The following RAB11FIP2 variants were observed in gnomAD, a reference collection of about 807,000 sequenced individuals.
The protein encoded by RAB11FIP2 is RAB11 family interacting protein 2.
Under a neutral mutation model 40.9 loss-of-function variants are expected in RAB11FIP2, and 16 were observed. The ratio of observed to expected loss-of-function variants is 0.39; its 90% CI spans 0.26 to 0.59. The LOEUF is 0.59. Ranked by LOEUF, RAB11FIP2 falls within the 20% of genes least tolerant of loss-of-function variation. The probability of loss-of-function intolerance (pLI) is 0.53; values close to 1 mark genes in which losing one functional copy is unlikely to be tolerated. For synonymous variants in RAB11FIP2, 228 were observed against 213.7 expected, an observed-to-expected ratio of 1.07 and a Z score of -0.58; for missense variants, 532 against 606.2, an observed-to-expected ratio of 0.88 and a Z score of 1.28.
chr10:118,017,658 T>C (rs1337806816), intron 3 of RAB11FIP2: 1 of 152,148 alleles, frequency 6.6e-6, no homozygotes, highest in African/African-American at 2.4e-5. Flanking sequence ...AGGTAAGCTT[T>C]GGACAATGTT....
Position 118,046,122 on chromosome 10 carries a change from G to C in RAB11FIP2, c.42C>G (p.His14Gln). The C allele has an allele frequency of 6.2e-7, 1 of 1,614,186 alleles. No homozygotes were observed. Reference protein sequence around the residue: ...SEQAQKWFPTHVQVTVLQAKD... With the variant: ...SEQAQKWFPTQVQVTVLQAKD... ...TGGCTTGGAGCACTGTGACCTGCAC[G>C]TGGGTTGGAAACCACTTTTGGGCTT... Residue 14 changes from histidine (H) to glutamine (Q), a missense_variant, in exon 1 of 5, where the codon CAC becomes CAG. Physicochemically the swap from His to Gln is conservative, Grantham distance 24 (BLOSUM62 0). Transcript: ENST00000355624.
At chr10:118,039,781 C>T (rs1385158328) in intron 2 of RAB11FIP2, 1 of 350,632 alleles carries the variant, frequency 2.9e-6, no homozygotes, top group Non-Finnish European at 5.1e-6. Flanking sequence ...TACTTCTGAA[C>T]ATAAAAGTTT....
intron 1 of RAB11FIP2, 60 bp downstream of exon 1, chr10:118,045,750 AC>A: frequency 2.2e-6 from 3 of 1,361,120 alleles, no homozygotes; most frequent in Non-Finnish European, 3.0e-6. Context: ...ATTTCCAAGA[AC>A]AGAAAAACCA....
At position 118,039,370 on chromosome 10, in the gene RAB11FIP2, A is replaced by G. The variant is rs1221633266; in HGVS notation, c.867T>C (p.Ile289=). 1.9e-6 allele frequency: 3 copies of G among 1,613,442 alleles called. No homozygotes were observed. The highest frequency in any genetic ancestry group is 2.5e-6 in the Non-Finnish European group (3 of 1,179,620). The change falls in exon 3 of 5, where the codon ATT becomes ATC. Residue 289 remains isoleucine, a synonymous_variant. Coordinates refer to ENST00000355624, the MANE Select transcript of RAB11FIP2 (RefSeq NM_014904.3). The part of the protein sequence containing the change: ...DTSKMNQPDS[I]VDEGELCFGR... Reference sequence around the variant, plus strand: ...CGAAACACAATTCACCTTCATCCACAATGCTGTCAGGTTGGTTCATTTTAG... The same window carrying G: ...CGAAACACAATTCACCTTCATCCACGATGCTGTCAGGTTGGTTCATTTTAG...
chr10:118,045,726 G>C (rs1042505011), intron 1 of RAB11FIP2, 85 bp downstream of exon 1: 2 of 1,148,236 alleles, frequency 1.7e-6, no homozygotes, highest in Middle Eastern at 2.3e-4. Flanking sequence ...ACCAACGCCC[G>C]AAGTATACGG....
In RAB11FIP2 at chr10:118,006,750, T is replaced by C. The variant is rs185022830; in HGVS notation, c.*2248A>G. 6.6e-6 allele frequency: 1 copy of C among 152,192 alleles called. No homozygotes were observed. 9.4% of individuals were successfully genotyped at this position (152,192 alleles called of 1,614,324 possible). ...AGGCAGTGATGAATGTATTAATAGA[T>C]CTAGTTTTAAATATAATACTTGTCT... On this transcript the variant is annotated 3_prime_UTR_variant, in exon 5 of 5. Transcript: ENST00000355624.
chr10:118,025,784 T>C (rs1295423011), intron 3 of RAB11FIP2, among the ~76,000 whole-genome samples: 12 of 152,178 alleles, frequency 7.9e-5, no homozygotes, highest in Admixed American at 7.9e-4. Flanking sequence ...CCTTTTCTCA[T>C]TTATCTTTAC....
intron 3 of RAB11FIP2, among the ~76,000 whole-genome samples, chr10:118,031,425 C>T (rs963138501): frequency 1.3e-5 from 2 of 152,018 alleles, no homozygotes; most frequent in Non-Finnish European, 2.9e-5. Flanking sequence ...TGGCTACATG[C>T]TTACAAGCTT....
At chr10:118,044,909 T>C (rs1014063087) in intron 1 of RAB11FIP2, among the ~76,000 whole-genome samples, 4 of 152,188 alleles carry the variant, frequency 2.6e-5, no homozygotes, top group African/African-American at 4.8e-5. Flanking sequence ...ATTTCATTAA[T>C]ATAATGTCCT....
At chr10:118,032,739 C>T (rs944589199) in intron 3 of RAB11FIP2, among the ~76,000 whole-genome samples, 6 of 152,054 alleles carry the variant, frequency 3.9e-5, no homozygotes, top group Non-Finnish European at 8.8e-5. Context: ...TTTTAATTTG[C>T]GTGTCCTTCT....
At chr10:118,023,998 G>A (rs1200039806) in intron 3 of RAB11FIP2, among the ~76,000 whole-genome samples, 1 of 151,668 alleles carries the variant, frequency 6.6e-6, no homozygotes, top group Non-Finnish European at 1.5e-5. Flanking sequence ...GCTGAGGCAG[G>A]AGGATTGCCT....
In RAB11FIP2 at chr10:118,020,528, G is replaced by A. The variant is rs148136105; in HGVS notation, c.1266-5418C>T. 2.0e-5 allele frequency among the ~76,000 whole-genome samples: 3 copies of A among 152,234 alleles called. No individual in the cohort carries two copies. The East Asian group carries it at 5.8e-4, about 29-fold the overall frequency. On this transcript the variant is annotated intron_variant, in intron 3 of 4. Transcript: ENST00000355624. ...ACTGGCTTATTATGTTCTGCCACCG[G>A]GAGGCACCTCCAAGAGGATGGAGCA...
intron 3 of RAB11FIP2, among the ~76,000 whole-genome samples, chr10:118,038,078 A>G (rs990699620): frequency 6.6e-6 from 1 of 151,924 alleles, no homozygotes; most frequent in African/African-American, 2.4e-5. Context: ...ATTGAATCCA[A>G]AAATGCAGAA....
chr10:118,040,421 C>T lies in RAB11FIP2; in HGVS notation c.498G>A (p.Lys166=). Residue 166 remains lysine, a synonymous_variant, in exon 2 of 5, where the codon AAG becomes AAA. Transcript: ENST00000355624. ...MKDKTRSPFA[K]LKDKMKGRKN... Reference sequence around the variant, plus strand: ...TTCTACCCTTCATCTTATCTTTTAACTTTGCAAAAGGAGATCTGGTTTTGT... The same window carrying T: ...TTCTACCCTTCATCTTATCTTTTAATTTTGCAAAAGGAGATCTGGTTTTGT... 6.2e-7 allele frequency: 1 copy of T among 1,613,788 alleles called. No individual in the cohort carries two copies. The highest frequency in any genetic ancestry group is 8.5e-7 in the Non-Finnish European group (1 of 1,179,760).
At chr10:118,040,033 T>G (rs1846534476) in intron 2 of RAB11FIP2, 90 bp downstream of exon 2, 1 of 1,281,508 alleles carries the variant, frequency 7.8e-7, no homozygotes, top group South Asian at 1.5e-5. Context: ...ACAAAGCAAC[T>G]GCTATTTTGA....
At chr10:118,014,051 C>A (rs550382973) in intron 4 of RAB11FIP2, among the ~76,000 whole-genome samples, 1 of 152,144 alleles carries the variant, frequency 6.6e-6, no homozygotes, top group South Asian at 2.1e-4. Context: ...TCAAAACTTA[C>A]GAATCGTTTA....
chr10:118,038,552 G>T (rs1433012889), intron 3 of RAB11FIP2, among the ~76,000 whole-genome samples: 1 of 152,064 alleles, frequency 6.6e-6, no homozygotes, highest in Non-Finnish European at 1.5e-5. Flanking sequence ...TACTGAAGCT[G>T]GCGTTTTTTA....
chr10:118,039,303 G>A lies in RAB11FIP2; in HGVS notation c.934C>T (p.Pro312Ser), dbSNP rs1243501228. 1 of 1,613,646 alleles carries A rather than the reference G, an allele frequency of 6.2e-7. No individual in the cohort carries two copies. Among genetic ancestry groups the A allele is most frequent in the Non-Finnish European group, 8.5e-7 (1 of 1,179,712 alleles). The change falls in exon 3 of 5, where the codon CCC (proline) becomes TCC (serine). Residue 312 changes from proline to serine, a missense_variant. By Grantham distance (74) the Pro-to-Ser change is moderately conservative. Coordinates refer to ENST00000355624, the MANE Select transcript of RAB11FIP2 (RefSeq NM_014904.3). ...DPFTNVTASLPQKFATLPRKK... is the reference protein window; with the variant it reads ...DPFTNVTASLSQKFATLPRKK... ...CTTGGCAGTGTTGCAAATTTTTGGG[G>A]TAATGAAGCAGTCACATTTGTAAAT... is the stretch of plus-strand genomic sequence containing the variant.
At position 118,039,440 on chromosome 10, in the gene RAB11FIP2, C is replaced by T. The variant is rs765704854; in HGVS notation, c.797G>A (p.Gly266Glu). ...LDSFGTVPES[G>E]SLKSPHRRTL... ...TCTTCTGTGTGGAGATTTGAGACTTCCTACAAACAATTTTGTAGTTAGTAC... is the reference window on the plus strand; with the variant it reads ...TCTTCTGTGTGGAGATTTGAGACTTTCTACAAACAATTTTGTAGTTAGTAC... Residue 266 changes from glycine (G) to glutamate (E), a missense_variant and splice_region_variant, in exon 3 of 5, where the codon GGA becomes GAA. Coordinates refer to ENST00000355624, the MANE Select transcript of RAB11FIP2 (RefSeq NM_014904.3). 2 of 1,606,700 alleles carry T rather than the reference C, an allele frequency of 1.2e-6. No homozygotes were observed. Among genetic ancestry groups the T allele is most frequent in the Admixed American group, 3.4e-5 (2 of 59,646 alleles).
Sources: allele counts gnomAD v4.1 joint callset (sites outside exome capture counted in the v4.1 genomes callset), GRCh38; gene constraint gnomAD v4.1.1; transcripts MANE v1.5; gene names NCBI Gene and HGNC (gene_info 2026-07-23, HGNC 2026-07-21).